The following RGS7 variants were observed in gnomAD, a reference collection of about 807,000 sequenced individuals.
RGS7 encodes the protein regulator of G-protein signaling 7.
A neutral mutation model predicts 81.1 loss-of-function variants in RGS7; 27 were observed. The observed-to-expected ratio is 0.33, with a 90% CI of 0.25 to 0.46. The LOEUF (loss-of-function observed/expected upper bound fraction) is 0.46, where lower values mean the gene tolerates loss of function less well. Among genes scored for constraint, RGS7 ranks in the 20% least tolerant of loss-of-function variants. The pLI, the probability that RGS7 is intolerant of heterozygous loss-of-function variation, is 1.00. For missense variants in RGS7, 396 were observed against 607.4 expected, an observed-to-expected ratio of 0.65 and a Z score of 3.66; for synonymous variants, 208 against 207.7, an observed-to-expected ratio of 1.00 and a Z score of -0.01.
At chr1:241,210,616 G>A (rs1283350110) in intron 2 of RGS7, among the ~76,000 whole-genome samples, 1 of 152,188 alleles carries the variant, frequency 6.6e-6, no homozygotes, top group Non-Finnish European at 1.5e-5. Context: ...GCTTTGGAGT[G>A]TGGCCATGAA....
At chr1:240,973,089 A>T (rs966588063) in intron 4 of RGS7, among the ~76,000 whole-genome samples, 8 of 150,996 alleles carry the variant, frequency 5.3e-5, no homozygotes, top group Admixed American at 4.0e-4. Context: ...TACAGGTTGT[A>T]CCTACTGTGC....
chr1:241,215,286 T>C (rs1014670433), intron 2 of RGS7, among the ~76,000 whole-genome samples: 1 of 152,222 alleles, frequency 6.6e-6, no homozygotes, highest in African/African-American at 2.4e-5. Flanking sequence ...TATTTATTAC[T>C]AGGAGTGGCC....
chr1:241,009,621 A>G (rs925206522), intron 3 of RGS7, among the ~76,000 whole-genome samples: 1 of 152,148 alleles, frequency 6.6e-6, no homozygotes, highest in Non-Finnish European at 1.5e-5. Context: ...TTTCCCAGCC[A>G]TTACTGAGTT....
At chr1:241,139,189 TTCTC>T (rs34567928) in intron 2 of RGS7, among the ~76,000 whole-genome samples, 9 of 150,298 alleles carry the variant, frequency 6.0e-5, no homozygotes, top group Non-Finnish European at 1.2e-4. Context: ...CCCTCCCTTC[TTCTC>T]TCTTTCCTTC....
intron 2 of RGS7, among the ~76,000 whole-genome samples, chr1:241,329,137 C>T (rs1558324227): frequency 6.6e-6 from 1 of 152,182 alleles, no homozygotes; most frequent in Non-Finnish European, 1.5e-5. Context: ...TCTATCCTTC[C>T]TCATTTCCAA....
Position 241,002,377 on chromosome 1 carries a change from C to T in RGS7, c.176-19248G>A, listed in dbSNP as rs372744157. On this transcript the variant is annotated intron_variant, in intron 3 of 18. Coordinates refer to ENST00000440928, the MANE Select transcript of RGS7 (RefSeq NM_001364886.1). The stretch of plus-strand genomic sequence containing the variant: ...CTGAGGCATGGGAATGGCTTGAACC[C>T]GGGAGGCGTAGGTTGCACTGAGCCA... Among the ~76,000 whole-genome samples, 13 of 151,768 alleles carry T rather than the reference C, an allele frequency of 8.6e-5. 1 individual carries two copies. Among genetic ancestry groups the T allele is most frequent in the South Asian group, 2.1e-4 (1 of 4,796 alleles).
At chr1:240,942,029 A>G (rs1677675466) in intron 4 of RGS7, among the ~76,000 whole-genome samples, 1 of 152,142 alleles carries the variant, frequency 6.6e-6, no homozygotes, top group East Asian at 1.9e-4. Context: ...TCAAGCCATG[A>G]GCAAGCTGAG....
intron 6 of RGS7, among the ~76,000 whole-genome samples, chr1:240,921,111 C>T (rs1673457836): frequency 6.6e-6 from 1 of 152,000 alleles, no homozygotes; most frequent in South Asian, 2.1e-4. Flanking sequence ...AGAAACCTTG[C>T]TATAGTTGAA....
intron 4 of RGS7, among the ~76,000 whole-genome samples, chr1:240,955,551 CAAAA>C (rs369155474): frequency 3.5e-3 from 488 of 139,444 alleles, no homozygotes; most frequent in South Asian, 6.5e-3. Context: ...GACTCTGTCT[CAAAA>C]AAAAAAAAAA....
rs562447668 is a variant in RGS7, at chr1:240,911,929, T to C, written c.385+18788A>G. On this transcript the variant is annotated intron_variant, in intron 6 of 18. Transcript: ENST00000440928. ...GGCTGAGGTGGGCGGATCATGAGGT[T>C]AGGAGATGGAGACTATCCTGGCTAA... Among the ~76,000 whole-genome samples the C allele has an allele frequency of 6.0e-5, 9 of 151,064 alleles. No homozygotes were observed. The East Asian group carries it at 1.6e-3, about 26-fold the overall frequency.
At chr1:241,162,222 G>GCTCCCCCCCCCGCCC (rs71297740) in intron 2 of RGS7, among the ~76,000 whole-genome samples, 6 of 142,150 alleles carry the variant, frequency 4.2e-5, no homozygotes, top group East Asian at 2.0e-4. Context: ...CTGGTGATCA[G>GCTCCCCCCCCCGCCC]CTTCCAAATA....
At chr1:240,803,215 A>G (rs373731960) in intron 15 of RGS7, among the ~76,000 whole-genome samples, 2 of 152,284 alleles carry the variant, frequency 1.3e-5, no homozygotes, top group South Asian at 2.1e-4. Context: ...TGAGGAGGCA[A>G]ATCACATCCA....
At chr1:241,293,177 C>T (rs2079185876) in intron 2 of RGS7, among the ~76,000 whole-genome samples, 1 of 152,134 alleles carries the variant, frequency 6.6e-6, no homozygotes, top group African/African-American at 2.4e-5. Flanking sequence ...AACACTGTAG[C>T]AGTCATAAAG....
intron 2 of RGS7, among the ~76,000 whole-genome samples, chr1:241,335,468 T>C (rs575626524): frequency 2.3e-3 from 345 of 152,310 alleles, no homozygotes; most frequent in African/African-American, 8.1e-3. Flanking sequence ...TTCTCTGGGT[T>C]TGAGGAACTA....
At chr1:240,820,973 C>G (rs6696184) in intron 10 of RGS7, among the ~76,000 whole-genome samples, 110,733 of 152,094 alleles carry the variant, frequency 0.73, 40,627 homozygotes, top group Non-Finnish European at 0.78. Flanking sequence ...CTTTCTTTCA[C>G]GGTTGCTCAG....
chr1:241,133,502 A>AT (rs560597328), intron 2 of RGS7, among the ~76,000 whole-genome samples: 1 of 151,824 alleles, frequency 6.6e-6, no homozygotes, highest in Admixed American at 6.6e-5. Flanking sequence ...AGCCACCATA[A>AT]TTTTTTTTCT....
intron 2 of RGS7, among the ~76,000 whole-genome samples, chr1:241,248,225 GGTTA>G (rs2076645121): frequency 6.6e-6 from 1 of 151,588 alleles, no homozygotes; most frequent in African/African-American, 2.4e-5. Context: ...ACCTTCTTGT[GGTTA>G]GTGTTTGCAA....
intron 6 of RGS7, among the ~76,000 whole-genome samples, chr1:240,915,916 CAT>C (rs1672524732): frequency 6.6e-6 from 1 of 151,778 alleles, no homozygotes; most frequent in African/African-American, 2.4e-5. Flanking sequence ...AGAGTTTGGA[CAT>C]GTGTCAAAAG....
At chr1:240,779,258 G>T (rs147009095) in intron 18 of RGS7, among the ~76,000 whole-genome samples, 4,666 of 151,944 alleles carry the variant, frequency 0.031, 233 homozygotes, top group African/African-American at 0.11. Flanking sequence ...CTGGGTTCAA[G>T]CGATTCTCCT....
Sources: gnomAD v4.1 joint callset for allele counts (sites outside exome capture counted in the v4.1 genomes callset) on GRCh38, gnomAD v4.1.1 for gene constraint, MANE v1.5 for transcripts, NCBI Gene and HGNC (gene_info 2026-07-23, HGNC 2026-07-21) for gene names.